Variants in TRPM3 observed in about 807,000 individuals in gnomAD.
TRPM3 encodes the protein transient receptor potential cation channel subfamily M member 3.
Under a neutral mutation model 181.2 loss-of-function variants are expected in TRPM3, and 77 were observed. That is an observed-to-expected ratio of 0.42 (90% CI 0.35 to 0.51). TRPM3 has a LOEUF of 0.51. Ranked by LOEUF, TRPM3 falls within the 20% of genes least tolerant of loss-of-function variation. The probability of loss-of-function intolerance (pLI) is 0.01; values close to 1 mark genes in which losing one functional copy is unlikely to be tolerated. For synonymous variants in TRPM3, 745 were observed against 796.4 expected (o/e 0.94, Z 1.09); for missense variants, 1,759 against 2,196.7 (o/e 0.80, Z 3.98).
chr9:70,865,620 G>T lies in TRPM3; in HGVS notation c.178-1109C>A, dbSNP rs547625732. Among the ~76,000 whole-genome samples, 20 of 152,144 alleles carry T rather than the reference G, an allele frequency of 1.3e-4. No homozygotes were observed. In the South Asian group the frequency reaches 2.5e-3, roughly 19 times the overall value. On this transcript the variant is annotated intron_variant, in intron 1 of 25. Transcript: ENST00000677713. ...TAATCTTGACTCTGCCAATGACTCA[G>T]ATGTCTATAAGCTGTGCTAAATTCT...
chr9:70,639,693 T>C (rs1288184401), intron 10 of TRPM3, among the ~76,000 whole-genome samples: 1 of 152,116 alleles, frequency 6.6e-6, no homozygotes, highest in East Asian at 1.9e-4. Context: ...GTCACTTAAC[T>C]GAAAACAAAA....
At chr9:71,281,790 G>T (rs146172555) in intron 1 of TRPM3, among the ~76,000 whole-genome samples, 1 of 152,060 alleles carries the variant, frequency 6.6e-6, no homozygotes, top group Non-Finnish European at 1.5e-5. Flanking sequence ...GGCCAGGTGC[G>T]GTGGATCACA....
intron 22 of TRPM3, among the ~76,000 whole-genome samples, chr9:70,574,931 C>T (rs2053514444): frequency 6.6e-6 from 1 of 150,984 alleles, no homozygotes; most frequent in Non-Finnish European, 1.5e-5. Flanking sequence ...TTTTTCTTTT[C>T]TTTCTTTTTT....
intron 1 of TRPM3, among the ~76,000 whole-genome samples, chr9:70,937,309 T>A (rs1485921195): frequency 1.3e-5 from 2 of 152,202 alleles, no homozygotes; most frequent in African/African-American, 2.4e-5. Context: ...AACTAGCATC[T>A]TCAGGCAAAT....
intron 1 of TRPM3, among the ~76,000 whole-genome samples, chr9:71,053,652 A>C (rs2060317444): frequency 6.6e-6 from 1 of 152,092 alleles, no homozygotes; most frequent in African/African-American, 2.4e-5. Flanking sequence ...ATACTGTAAA[A>C]TGTCTAAGGG....
chr9:70,678,799 A>T (rs116612626), intron 9 of TRPM3, among the ~76,000 whole-genome samples: 1 of 152,252 alleles, frequency 6.6e-6, no homozygotes, highest in Non-Finnish European at 1.5e-5. Context: ...ATTCAAAAAA[A>T]GTAGGAAGAA....
intron 1 of TRPM3, among the ~76,000 whole-genome samples, chr9:70,955,376 T>G (rs2097056559): frequency 6.6e-6 from 1 of 152,216 alleles, no homozygotes; most frequent in South Asian, 2.1e-4. Flanking sequence ...TATTTTCATT[T>G]ATACTTCATG....
chr9:70,964,805 A>G (rs971452776), intron 1 of TRPM3, among the ~76,000 whole-genome samples: 1 of 152,102 alleles, frequency 6.6e-6, no homozygotes, highest in African/African-American at 2.4e-5. Context: ...TATTTCAGCA[A>G]TCAGAAGAAT....
rs138496726 is a variant in TRPM3 at position 70,561,356 on chromosome 9, G to A, written c.3224-8046C>T. Among the ~76,000 whole-genome samples the A allele has an allele frequency of 4.5e-4, 69 of 152,280 alleles. 1 individual carries two copies. In the East Asian group the frequency reaches 7.5e-3, roughly 17 times the overall value. ...CCCTTTGGCCTTTTCCTGACACAAC[G>A]TTTTCCTTGGCAAGACAACTGGAGA... On this transcript the variant is annotated intron_variant, in intron 22 of 25. Coordinates refer to ENST00000677713, the MANE Select transcript of TRPM3 (RefSeq NM_001366145.2).
chr9:70,911,965 G>T (rs751262463), intron 1 of TRPM3, among the ~76,000 whole-genome samples: 10 of 152,152 alleles, frequency 6.6e-5, no homozygotes, highest in Non-Finnish European at 1.5e-4. Context: ...ATAAAGAGTG[G>T]CTCAGTAGCC....
intron 25 of TRPM3, 136 bp from the exon 26 acceptor site, chr9:70,537,541 G>T (rs2042106215): frequency 7.9e-6 from 5 of 632,950 alleles, no homozygotes; most frequent in Non-Finnish European, 6.9e-6. Context: ...TGTTGAGAGG[G>T]GTTGGGGAGG....
chr9:71,010,396 A>T (rs1359930791), intron 1 of TRPM3, among the ~76,000 whole-genome samples: 1 of 152,056 alleles, frequency 6.6e-6, no homozygotes, highest in Non-Finnish European at 1.5e-5. Flanking sequence ...AAACAAACAA[A>T]CAAAAAAACA....
chr9:71,287,034 A>G (rs1376984255), intron 1 of TRPM3, among the ~76,000 whole-genome samples: 1 of 143,382 alleles, frequency 7.0e-6, no homozygotes, highest in African/African-American at 2.5e-5. Flanking sequence ...ATAATATATA[A>G]CATATTGTAT....
At chr9:70,643,927 T>G (rs1247281919) in intron 9 of TRPM3, among the ~76,000 whole-genome samples, 2 of 152,236 alleles carry the variant, frequency 1.3e-5, no homozygotes, top group Non-Finnish European at 2.9e-5. Context: ...ACTGATTTCA[T>G]GCCTCCTTAT....
At chr9:71,158,827 C>T (rs1442426712) in intron 1 of TRPM3, among the ~76,000 whole-genome samples, 1 of 152,118 alleles carries the variant, frequency 6.6e-6, no homozygotes, top group Non-Finnish European at 1.5e-5. Flanking sequence ...CTGGCATCAT[C>T]AATCCACTGA....
intron 1 of TRPM3, among the ~76,000 whole-genome samples, chr9:71,355,015 C>A (rs746300475): frequency 6.6e-6 from 1 of 152,170 alleles, no homozygotes; most frequent in African/African-American, 2.4e-5. Context: ...GAGCTGCTAA[C>A]CTTTCTTAAA....
At position 70,536,314 on chromosome 9, in the gene TRPM3, G is replaced by C; in HGVS notation, c.4799C>G (p.Ala1600Gly). ...DLTCCHPERE[A>G]ELSHPSSDSE... ...GTCAGAGCTGGGGTGACTCAGTTCT[G>C]CTTCTCGCTCTGGATGGCAGCAAGT... The change falls in exon 26 of 26, where the codon GCA (alanine) becomes GGA (glycine). Residue 1600 changes from alanine to glycine, a missense_variant. This residue lies in a region of TRPM3 where 612 missense variants were observed against 590.0 expected (regional missense o/e 1.04). Transcript: ENST00000677713. 1 of 1,614,170 alleles carries C rather than the reference G, an allele frequency of 6.2e-7. No individual in the cohort carries two copies. The highest frequency in any genetic ancestry group is 2.2e-5 in the East Asian group (1 of 44,866).
intron 8 of TRPM3, 59 bp downstream of exon 8, chr9:70,761,542 G>GA: frequency 1.2e-6 from 2 of 1,611,676 alleles, no homozygotes; most frequent in Non-Finnish European, 1.7e-6. Flanking sequence ...AATGTTGTGT[G>GA]ATTCAAGAAA....
intron 5 of TRPM3, among the ~76,000 whole-genome samples, chr9:70,842,407 T>C (rs2094733989): frequency 6.6e-6 from 1 of 151,894 alleles, no homozygotes; most frequent in South Asian, 2.1e-4. Flanking sequence ...AAAAATTGCA[T>C]ATATTGTGTT....
Sources: gnomAD v4.1 joint callset for allele counts (sites outside exome capture counted in the v4.1 genomes callset) on GRCh38, gnomAD v4.1.1 for gene constraint, gnomAD v4.1.1 regional missense constraint, MANE v1.5 for transcripts, NCBI Gene and HGNC (gene_info 2026-07-23, HGNC 2026-07-21) for gene names.